ITPR2: variants seen among roughly 807,000 people sequenced by gnomAD.
ITPR2 encodes the protein inositol 1,4,5-trisphosphate receptor type 2, also known as inositol 1,4,5-trisphosphate-gated calcium channel ITPR2.
ITPR2 carries 207 observed loss-of-function variants against 317.1 expected under a neutral mutation model. That is an observed-to-expected ratio of 0.65 (90% confidence interval 0.58 to 0.73). ITPR2 has a LOEUF of 0.73. Ranked by LOEUF, ITPR2 falls within the 30% of genes least tolerant of loss-of-function variation. ITPR2 has a pLI of 0.00. For missense variants in ITPR2, 2,613 were observed against 3,284.0 expected (o/e 0.80, Z 4.99); for synonymous variants, 1,156 against 1,149.1 (o/e 1.01, Z -0.12).
At position 26,578,720 on chromosome 12, in the gene ITPR2, A is replaced by G; in HGVS notation, c.4623T>C (p.Ala1541=). The G allele has an allele frequency of 6.3e-7, 1 of 1,598,642 alleles. No homozygotes were observed. The highest frequency in any genetic ancestry group is 8.6e-7 in the Non-Finnish European group (1 of 1,169,228). The change falls in exon 34 of 57, where the codon GCT becomes GCC. Residue 1541 remains alanine, a synonymous_variant. Coordinates refer to ENST00000381340, the MANE Select transcript of ITPR2 (RefSeq NM_002223.4). ...ASVESCIRTL[A]EVAKNRGIAI... ...ACTCAAACTATGACTTACCCACTTCAGCCAAAGTTCTGATACAGGATTCCA... is the reference window on the plus strand; with the variant it reads ...ACTCAAACTATGACTTACCCACTTCGGCCAAAGTTCTGATACAGGATTCCA...
At chr12:26,411,088 A>C (rs1171186204) in intron 52 of ITPR2, 1 of 459,868 alleles carries the variant, frequency 2.2e-6, no homozygotes, top group Non-Finnish European at 4.0e-6. Context: ...CACAGGGTAA[A>C]TGTGCTAAAT....
chr12:26,630,305 G>T (rs774924737), intron 22 of ITPR2, among the ~76,000 whole-genome samples: 49 of 151,774 alleles, frequency 3.2e-4, no homozygotes, highest in Admixed American at 1.3e-4. Context: ...AAAACAAGTG[G>T]AAAGTAGAAA....
chr12:26,527,766 C>A (rs1313038152), intron 37 of ITPR2, among the ~76,000 whole-genome samples: 1 of 152,168 alleles, frequency 6.6e-6, no homozygotes, highest in Admixed American at 6.5e-5. Context: ...ATATCTCCCA[C>A]AGAAACATGA....
chr12:26,582,441 C>T (rs958378441), intron 32 of ITPR2, among the ~76,000 whole-genome samples: 1 of 152,244 alleles, frequency 6.6e-6, no homozygotes, highest in South Asian at 2.1e-4. Flanking sequence ...TCCTATAAAA[C>T]ACTTTTATGT....
rs572295610 is a variant in ITPR2, at chr12:26,336,060, A to C, written c.*3337T>G. ...GGGGTCCATCAACTATTACATCATG[A>C]TGCCTGTGCAATATTTACTTGCTTA... On this transcript the variant is annotated 3_prime_UTR_variant, in exon 57 of 57. Transcript: ENST00000381340. Among the ~76,000 whole-genome samples the C allele has an allele frequency of 6.6e-6, 1 of 152,324 alleles. No individual in the cohort carries two copies. The highest frequency in any genetic ancestry group is 2.1e-4 in the South Asian group (1 of 4,830).
chr12:26,433,026 T>C (rs146398381), intron 48 of ITPR2, among the ~76,000 whole-genome samples: 14 of 152,316 alleles, frequency 9.2e-5, no homozygotes, highest in African/African-American at 3.4e-4. Context: ...GATGGCCAAG[T>C]ATGTGTAACA....
chr12:26,391,559 T>TC lies in ITPR2; in HGVS notation c.7697-3966_7697-3965insG, dbSNP rs1312362128. On this transcript the variant is annotated intron_variant, in intron 54 of 56. Coordinates refer to ENST00000381340, the MANE Select transcript of ITPR2 (RefSeq NM_002223.4). Reference sequence around the variant, plus strand: ...TCTTCTTCTTCTTCTTCTTTTCCTTTTTTTTTTTTTTTTTTTTTTTTTTTT... The same window carrying TC: ...TCTTCTTCTTCTTCTTCTTTTCCTTTCTTTTTTTTTTTTTTTTTTTTTTTTT... Among the ~76,000 whole-genome samples, 545 of 67,678 alleles carry TC rather than the reference T, an allele frequency of 8.1e-3. 47 individuals carry two copies. The highest frequency in any genetic ancestry group is 0.021 in the African/African-American group (457 of 22,138). The allele number at this position is 67,678 out of a possible 152,430, so 44.4% of individuals were successfully genotyped here. A position where few individuals can be genotyped will look rare whatever the true frequency, so the allele number is the denominator to read the frequency against.
At chr12:26,437,942 C>CAG (rs1565526630) in intron 47 of ITPR2, among the ~76,000 whole-genome samples, 1 of 152,024 alleles carries the variant, frequency 6.6e-6, no homozygotes. Flanking sequence ...GCTGGGACTA[C>CAG]AGGTGCCTGC....
rs377566133 is a variant in ITPR2, at chr12:26,550,343, A to G, written c.4977T>C (p.His1659=). Residue 1659 remains histidine, a synonymous_variant, in exon 37 of 57, where the codon CAT becomes CAC. Coordinates refer to ENST00000381340, the MANE Select transcript of ITPR2 (RefSeq NM_002223.4). ...CTTCTTTCTCCATTAGTTTCTTTGT[A>G]TGATTAATCAACCTTAAAGCAAAAC... is the stretch of plus-strand genomic sequence containing the variant. ...CGAFMSKLIN[H]TKKLMEKEEK... 13 of 1,384,500 alleles carry G rather than the reference A, an allele frequency of 9.4e-6. No individual in the cohort carries two copies. The African/African-American group carries it at 1.9e-4, about 20-fold the overall frequency. The allele number at this position is 1,384,500 out of a possible 1,614,324, so 85.8% of individuals were successfully genotyped here.
intron 17 of ITPR2, 46 bp from the exon 18 acceptor site, chr12:26,657,938 G>A (rs527988287): frequency 1.9e-6 from 3 of 1,606,106 alleles, no homozygotes; most frequent in East Asian, 2.2e-5. Context: ...AAGTACACTT[G>A]TAAATATGAC....
intron 2 of ITPR2, among the ~76,000 whole-genome samples, chr12:26,788,952 C>T (rs958659976): frequency 2.0e-5 from 3 of 152,218 alleles, no homozygotes; most frequent in African/African-American, 7.2e-5. Flanking sequence ...TGCATTGTCT[C>T]TGGCAGGTTG....
chr12:26,658,113 G>T lies in ITPR2; in HGVS notation c.1904C>A (p.Ser635Ter). The T allele has an allele frequency of 1.3e-6, 2 of 1,558,632 alleles. No homozygotes were observed. The highest frequency in any genetic ancestry group is 2.6e-5 in the South Asian group (2 of 77,878). Residue 635 changes from serine (S) to a stop codon, truncating the protein, a stop_gained, in exon 17 of 57, where the codon TCA becomes TAA. Coordinates refer to ENST00000381340, the MANE Select transcript of ITPR2 (RefSeq NM_002223.4). LOFTEE classifies it high-confidence loss of function. ...AGTGGTATTAGACACACACAGATCT[G>T]ACAAATAATCCAAAAACCTGGCAAA... is the stretch of plus-strand genomic sequence containing the variant. ...NREPRFLDYLSDLCVSNTTAI... is the reference protein window; with the variant it reads ...NREPRFLDYL
intron 36 of ITPR2, among the ~76,000 whole-genome samples, chr12:26,555,646 T>A (rs980901085): frequency 3.3e-5 from 5 of 152,128 alleles, no homozygotes; most frequent in Non-Finnish European, 5.9e-5. Context: ...CCACAAACGC[T>A]AAGAAACATC....
rs1017230442 is a variant in ITPR2, at chr12:26,822,905, A to G, written c.92+9785T>C. On this transcript the variant is annotated intron_variant, in intron 1 of 56. Coordinates refer to ENST00000381340, the MANE Select transcript of ITPR2 (RefSeq NM_002223.4). ...GTCTTTGCATATCTCAACAATATTG[A>G]ATTGTTTGCTTTAGTTTTTTGGAGC... is the stretch of plus-strand genomic sequence containing the variant. Among the ~76,000 whole-genome samples, 14 of 152,314 alleles carry G rather than the reference A, an allele frequency of 9.2e-5. No individual in the cohort carries two copies. The South Asian group carries it at 2.7e-3, about 29-fold the overall frequency.
intron 26 of ITPR2, among the ~76,000 whole-genome samples, chr12:26,605,449 C>T (rs1031826828): frequency 6.6e-6 from 1 of 151,966 alleles, no homozygotes; most frequent in African/African-American, 2.4e-5. Flanking sequence ...ACACTTGTAC[C>T]ACAAACCAGG....
chr12:26,830,130 C>G (rs891026218), intron 1 of ITPR2, among the ~76,000 whole-genome samples: 1 of 152,246 alleles, frequency 6.6e-6, no homozygotes, highest in African/African-American at 2.4e-5. Context: ...TCTCAAACTG[C>G]TGACCTCAAG....
intron 13 of ITPR2, among the ~76,000 whole-genome samples, chr12:26,672,249 TG>T (rs1947794302): frequency 6.6e-6 from 1 of 150,742 alleles, no homozygotes; most frequent in African/African-American, 2.4e-5. Context: ...GAATATACAT[TG>T]TTTTCAGCAC....
intron 43 of ITPR2, among the ~76,000 whole-genome samples, chr12:26,480,901 T>C (rs1942531551): frequency 6.6e-6 from 1 of 152,112 alleles, no homozygotes; most frequent in Admixed American, 6.5e-5. Flanking sequence ...AGGGAAGTCA[T>C]GAAACACAGT....
rs765588138 is a variant in ITPR2 at position 26,711,183 on chromosome 12, A to C, written c.941T>G (p.Leu314Ter). The change falls in exon 9 of 57, where the codon TTA (leucine) becomes TGA (stop). Residue 314 changes from leucine (L) to a stop codon, truncating the protein, a stop_gained. Transcript: ENST00000381340. LOFTEE classifies it high-confidence loss of function. Reference sequence around the variant, plus strand: ...ATCCATTAGTCTTACCTCTGCAGCTAAATAGTTTCCAGTTGCAAGATGCTT... The same window carrying C: ...ATCCATTAGTCTTACCTCTGCAGCTCAATAGTTTCCAGTTGCAAGATGCTT... ...RFKHLATGNY[L>*]AAELNPDYRD... is the part of the protein sequence containing the mutation. The C allele has an allele frequency of 1.2e-6, 2 of 1,609,300 alleles. No individual in the cohort carries two copies. Among genetic ancestry groups the C allele is most frequent in the Non-Finnish European group, 8.5e-7 (1 of 1,175,712 alleles).
Sources: allele counts gnomAD v4.1 joint callset (sites outside exome capture counted in the v4.1 genomes callset), GRCh38; gene constraint gnomAD v4.1.1; transcripts MANE v1.5; gene names NCBI Gene and HGNC (gene_info 2026-07-23, HGNC 2026-07-21).